The following PRKCA variants were observed in gnomAD, a reference collection of about 807,000 sequenced individuals.
PRKCA encodes the protein protein kinase C alpha.
In PRKCA, 27 loss-of-function variants were observed where a neutral mutation model predicts 87.0. The observed-to-expected ratio is 0.31, with a 90% CI of 0.23 to 0.43. The LOEUF (loss-of-function observed/expected upper bound fraction) is 0.43, where lower values mean the gene tolerates loss of function less well. Among genes scored for constraint, PRKCA ranks in the 20% least tolerant of loss-of-function variants. PRKCA has a pLI of 1.00. For missense variants in PRKCA, 518 were observed against 852.3 expected (o/e 0.61, Z 4.88); for synonymous variants, 329 against 311.1 (o/e 1.06, Z -0.61).
At chr17:66,540,759 C>G (rs889909947) in intron 3 of PRKCA, among the ~76,000 whole-genome samples, 1 of 152,216 alleles carries the variant, frequency 6.6e-6, no homozygotes, top group South Asian at 2.1e-4. Context: ...TCCCATTTCT[C>G]TGTCTATCAA....
At chr17:66,781,915 TGTGA>T (rs1259478690) in intron 14 of PRKCA, among the ~76,000 whole-genome samples, 260 of 144,502 alleles carry the variant, frequency 1.8e-3, no homozygotes, top group African/African-American at 2.7e-3. Flanking sequence ...TGTGTGTGTG[TGTGA>T]GTGAGTGTGA....
At chr17:66,746,060 T>G (rs1974275520) in intron 13 of PRKCA, among the ~76,000 whole-genome samples, 1 of 152,014 alleles carries the variant, frequency 6.6e-6, no homozygotes. Context: ...AATGAAAATC[T>G]ATATGTGGAT....
At chr17:66,450,806 G>A (rs1223296758) in intron 2 of PRKCA, among the ~76,000 whole-genome samples, 2 of 152,006 alleles carry the variant, frequency 1.3e-5, no homozygotes, top group Non-Finnish European at 2.9e-5. Context: ...TAGTACATTT[G>A]TCTTCATAAG....
intron 8 of PRKCA, among the ~76,000 whole-genome samples, chr17:66,694,446 A>C (rs1972865602): frequency 1.5e-5 from 2 of 133,762 alleles, no homozygotes; most frequent in Non-Finnish European, 3.0e-5. Flanking sequence ...GTGCCACTGC[A>C]CTCCAGCTTG....
chr17:66,494,443 G>C (rs1252232029), intron 2 of PRKCA, among the ~76,000 whole-genome samples: 1 of 152,178 alleles, frequency 6.6e-6, no homozygotes, highest in African/African-American at 2.4e-5. Context: ...TGTGGCAGAA[G>C]GCAGAAGGGC....
At chr17:66,798,419 G>GTGGTGA (rs1975731616) in intron 16 of PRKCA, among the ~76,000 whole-genome samples, 1 of 81,532 alleles carries the variant, frequency 1.2e-5, no homozygotes, top group Non-Finnish European at 2.5e-5. Flanking sequence ...GGTGATGGTG[G>GTGGTGA]TGGTGGTGGT....
At chr17:66,625,159 A>G (rs548271520) in intron 3 of PRKCA, among the ~76,000 whole-genome samples, 2 of 152,206 alleles carry the variant, frequency 1.3e-5, no homozygotes, top group Non-Finnish European at 2.9e-5. Context: ...ATACCAATTA[A>G]GTTCTTTATG....
In PRKCA at chr17:66,363,808, T is replaced by C. The variant is rs547295700; in HGVS notation, c.205+57681T>C. On this transcript the variant is annotated intron_variant, in intron 2 of 16. Coordinates refer to ENST00000413366, the MANE Select transcript of PRKCA (RefSeq NM_002737.3). ...ACCTCTGCCTCCCGGGTTCAAACGA[T>C]TCTTCTGCCTCAGCCTCCCGAGTAC... 7.2e-5 allele frequency among the ~76,000 whole-genome samples: 11 copies of C among 152,302 alleles called. No homozygotes were observed. The South Asian group carries it at 1.0e-3, about 14-fold the overall frequency.
intron 3 of PRKCA, among the ~76,000 whole-genome samples, chr17:66,636,313 A>G (rs1971150648): frequency 6.6e-6 from 1 of 152,236 alleles, no homozygotes; most frequent in Non-Finnish European, 1.5e-5. Context: ...AAGAGTTTCC[A>G]TGCTCCTGCA....
intron 3 of PRKCA, among the ~76,000 whole-genome samples, chr17:66,629,133 G>A (rs182158908): frequency 3.3e-4 from 50 of 152,306 alleles, no homozygotes; most frequent in African/African-American, 1.2e-3. Flanking sequence ...GAAGTTCGGA[G>A]GTACCTAAAG....
chr17:66,534,753 G>A (rs1265107244), intron 3 of PRKCA, among the ~76,000 whole-genome samples: 1 of 152,158 alleles, frequency 6.6e-6, no homozygotes, highest in Non-Finnish European at 1.5e-5. Flanking sequence ...TAACATGAGG[G>A]AAATGGACAA....
At chr17:66,383,075 A>T (rs2143597739) in intron 2 of PRKCA, among the ~76,000 whole-genome samples, 2 of 125,882 alleles carry the variant, frequency 1.6e-5, no homozygotes, top group African/African-American at 6.4e-5. Context: ...TAATTTTGTA[A>T]TTTTCAAAAT....
At chr17:66,342,162 G>T (rs1907076213) in intron 2 of PRKCA, among the ~76,000 whole-genome samples, 1 of 152,178 alleles carries the variant, frequency 6.6e-6, no homozygotes, top group East Asian at 1.9e-4. Flanking sequence ...GGTGGCTCAT[G>T]CCTGTAATCC....
intron 3 of PRKCA, among the ~76,000 whole-genome samples, chr17:66,519,532 C>T (rs1425889193): frequency 6.6e-6 from 1 of 152,106 alleles, no homozygotes; most frequent in Non-Finnish European, 1.5e-5. Flanking sequence ...CCATAACCTT[C>T]CTGGCCCTCG....
In PRKCA at chr17:66,362,024, CTCTT is replaced by C. The variant is rs149315256; in HGVS notation, c.205+55919_205+55922del. On this transcript the variant is annotated intron_variant, in intron 2 of 16. Transcript: ENST00000413366. ...CTTGCGTGTTCTAGAAGGGGTTGAG[CTCTT>C]TCTTTCTTTCTTTCTTTCTTTTTTG... Among the ~76,000 whole-genome samples the C allele has an allele frequency of 5.0e-3, 765 of 151,876 alleles. 5 individuals carry two copies. The highest frequency in any genetic ancestry group is 0.01 in the African/African-American group (432 of 41,444).
At chr17:66,491,397 G>T (rs1171034818) in intron 2 of PRKCA, among the ~76,000 whole-genome samples, 1 of 152,190 alleles carries the variant, frequency 6.6e-6, no homozygotes, top group Admixed American at 6.5e-5. Context: ...TAAGGGCCAA[G>T]GGGGGCCCCC....
chr17:66,352,382 A>T (rs186199426), intron 2 of PRKCA, among the ~76,000 whole-genome samples: 9 of 152,244 alleles, frequency 5.9e-5, no homozygotes, highest in Admixed American at 5.9e-4. Flanking sequence ...TGACCATGAA[A>T]TGAACTATCA....
chr17:66,647,396 A>T (rs1971483382), intron 5 of PRKCA, among the ~76,000 whole-genome samples: 1 of 152,142 alleles, frequency 6.6e-6, no homozygotes, highest in Admixed American at 6.5e-5. Flanking sequence ...CAGTTTAATT[A>T]TGGGTTTACA....
intron 3 of PRKCA, among the ~76,000 whole-genome samples, chr17:66,586,715 A>C (rs759887882): frequency 6.6e-6 from 1 of 152,220 alleles, no homozygotes; most frequent in Non-Finnish European, 1.5e-5. Context: ...TAGGTGGCTC[A>C]GTGTTTTGCT....
Sources: allele counts gnomAD v4.1 joint callset (sites outside exome capture counted in the v4.1 genomes callset), GRCh38; gene constraint gnomAD v4.1.1; transcripts MANE v1.5; gene names NCBI Gene and HGNC (gene_info 2026-07-23, HGNC 2026-07-21).